Variants in SLC49A3 observed in about 807,000 individuals in gnomAD.
SLC49A3 encodes the protein solute carrier family 49 member 3.
In SLC49A3, 50 loss-of-function variants were observed where a neutral mutation model predicts 43.8. That is an observed-to-expected ratio of 1.14 (90% CI 0.91 to 1.45). SLC49A3 has a LOEUF of 1.45. Among genes scored for constraint, SLC49A3 ranks in the 40% most tolerant of loss-of-function variants. SLC49A3 has a pLI of 0.00. For synonymous variants in SLC49A3, 413 were observed against 352.0 expected (o/e 1.17, Z -1.94); for missense variants, 906 against 774.1 (o/e 1.17, Z -2.02).
At chr4:684,399 G>A in intron 6 of SLC49A3, 84 bp downstream of exon 6, 1 of 1,560,296 alleles carries the variant, frequency 6.4e-7, no homozygotes. Flanking sequence ...GTCGGACACT[G>A]GGCACCCTGG....
chr4:683,750 G>A lies in SLC49A3; in HGVS notation c.852C>T (p.Gly284=), dbSNP rs1199718280. Residue 284 remains glycine, a synonymous_variant, in exon 7 of 10, where the codon GGC becomes GGT. Coordinates refer to ENST00000322224, the MANE Select transcript of SLC49A3 (RefSeq NM_032219.4). ...CASGHSSGFS[G]LCGALFITFG... ...ACGTGATGAAGAGAGCGCCACAGAG[G>A]CCGGAAAACCCCTGGAGGAGGCGAG... 3 of 1,567,960 alleles carry A rather than the reference G, an allele frequency of 1.9e-6. No individual in the cohort carries two copies. Among genetic ancestry groups the A allele is most frequent in the African/African-American group, 2.7e-5 (2 of 73,918 alleles).
At position 685,794 on chromosome 4, in the gene SLC49A3, A is replaced by G. The variant is rs1299880424; in HGVS notation, c.585+41T>C. 6.2e-7 allele frequency: 1 copy of G among 1,605,104 alleles called. No homozygotes were observed. ...GGAACACACAGACGTGCATGCGCAC[A>G]CACCACACAGACCAGGCACGGGCGT... On this transcript the variant is annotated intron_variant, in intron 4 of 9. Coordinates refer to ENST00000322224, the MANE Select transcript of SLC49A3 (RefSeq NM_032219.4). The surrounding 1 kb of genome is among the most constrained non-coding windows in gnomAD (Gnocchi z 4.3).
downstream of SLC49A3, among the ~76,000 whole-genome samples, chr4:677,544 C>G (rs964437168): frequency 1.3e-5 from 2 of 152,220 alleles, no homozygotes; most frequent in Non-Finnish European, 2.9e-5. Flanking sequence ...GTCACCAAGG[C>G]AGGGAGGGGC....
intron 1 of SLC49A3, 119 bp from the exon 2 acceptor site, chr4:686,809 C>G: frequency 7.6e-7 from 1 of 1,310,414 alleles, no homozygotes; most frequent in Non-Finnish European, 1.0e-6. Flanking sequence ...GGGGACACAG[C>G]GAGCTGGACA....
chr4:690,864 C>A (rs914702424), upstream of SLC49A3, among the ~76,000 whole-genome samples: 1 of 152,242 alleles, frequency 6.6e-6, no homozygotes, highest in Admixed American at 6.5e-5. Context: ...ACACAACAAT[C>A]GCTTGCATTG....
chr4:678,548 GA>G (rs550802415), downstream of SLC49A3: 1 of 1,476,072 alleles, frequency 6.8e-7, no homozygotes, highest in African/African-American at 1.4e-5. Context: ...CCTCCAGCCC[GA>G]AGGGCTGAGG....
downstream of SLC49A3, among the ~76,000 whole-genome samples, chr4:677,367 G>A (rs540952644): frequency 6.6e-6 from 1 of 152,316 alleles, no homozygotes; most frequent in Admixed American, 6.5e-5. Flanking sequence ...TAGTGGGGAA[G>A]ACCAGGCTCA....
chr4:680,478 C>T (rs10023220), downstream of SLC49A3: 4,110 of 1,610,930 alleles, frequency 2.6e-3, 82 homozygotes, highest in African/African-American at 0.047. Flanking sequence ...GCCACCCTGA[C>T]GGCCCTGGGC....
chr4:678,481 GC>G, downstream of SLC49A3: 10 of 1,436,334 alleles, frequency 7.0e-6, no homozygotes, highest in Non-Finnish European at 9.1e-6. Context: ...CAGCCGTCCT[GC>G]CCCCAACCCC....
chr4:683,462 C>G, intron 7 of SLC49A3, 95 bp from the exon 8 acceptor site: 3 of 1,508,908 alleles, frequency 2.0e-6, no homozygotes, highest in South Asian at 1.3e-5. Context: ...GCAGGAGAAC[C>G]CATCCCACCC....
At chr4:689,392 CGAATGTCCCTTCCGGGAAGG>C, upstream of SLC49A3, 1 of 286,062 alleles carries the variant, frequency 3.5e-6, no homozygotes, top group East Asian at 6.1e-5. Flanking sequence ...CCACAAAAAC[CGAATGTCCCTTCCGGGAAGG>C]GCCCCGGTCA....
rs148669720 is a variant in SLC49A3, at chr4:688,994, G to T, written c.134C>A (p.Thr45Lys). 1.3e-6 allele frequency: 2 copies of T among 1,592,584 alleles called. No individual in the cohort carries two copies. The highest frequency in any genetic ancestry group is 2.8e-5 in the African/African-American group (2 of 72,542). ...AISLLNCSNA[T>K]LWLSFAPVAD... is the part of the protein sequence containing the mutation. ...ACCTGTCCCCGCCCCTGCCCCTACC[G>T]TGGCGTTGGAGCAGTTGAGCAGGCT... The change falls in exon 1 of 10, where the codon ACG becomes AAG. Residue 45 changes from threonine to lysine, a missense_variant and splice_region_variant. Transcript: ENST00000322224.
At position 681,857 on chromosome 4, in the gene SLC49A3, G is replaced by GGAGCCCGCAAGGAGCCCTTTC; in HGVS notation, c.*80_*100dup. On this transcript the variant is annotated 3_prime_UTR_variant, in exon 10 of 10. Transcript: ENST00000322224. ...AGGTGCGCGCTTGTAATTCGCTCCC[G>GGAGCCCGCAAGGAGCCCTTTC]GAGCCCGCAAGGAGCCCTTTCGCCC... 1 of 1,305,358 alleles carries GGAGCCCGCAAGGAGCCCTTTC rather than the reference G, an allele frequency of 7.7e-7. No individual in the cohort carries two copies. Among genetic ancestry groups the GGAGCCCGCAAGGAGCCCTTTC allele is most frequent in the African/African-American group, 1.5e-5 (1 of 65,826 alleles). 80.9% of individuals were successfully genotyped at this position (1,305,358 alleles called of 1,614,324 possible).
At chr4:687,375 A>T (rs991994310) in intron 1 of SLC49A3, 1 of 152,384 alleles carries the variant, frequency 6.6e-6, no homozygotes, top group Non-Finnish European at 1.5e-5. Flanking sequence ...CGGACACAGC[A>T]GCCAGACCCA....
Position 684,769 on chromosome 4 carries a change from C to T in SLC49A3, c.673G>A (p.Ala225Thr). 2 of 1,612,222 alleles carry T rather than the reference C, an allele frequency of 1.2e-6. No homozygotes were observed. The highest frequency in any genetic ancestry group is 1.7e-6 in the Non-Finnish European group (2 of 1,179,808). ...TCTGAGGTGGAGCTGGCAGCCCCGGCAGAGGGCGGGGTGGGGGGCACACTC... is the reference window on the plus strand; with the variant it reads ...TCTGAGGTGGAGCTGGCAGCCCCGGTAGAGGGCGGGGTGGGGGGCACACTC... ...WESVPPTPPS[A>T]GAASSTSEKF... is the part of the protein sequence containing the mutation. The change falls in exon 5 of 10, where the codon GCC becomes ACC. Residue 225 changes from alanine to threonine, a missense_variant. Physicochemically the swap from Ala to Thr is moderately conservative, Grantham distance 58. Coordinates refer to ENST00000322224, the MANE Select transcript of SLC49A3 (RefSeq NM_032219.4).
At chr4:681,238 G>A (rs2109359742), downstream of SLC49A3, 1 of 1,438,294 alleles carries the variant, frequency 7.0e-7, no homozygotes. Context: ...GAGCAGCGCC[G>A]CGGTTAGGAC....
chr4:689,025 C>T lies in SLC49A3; in HGVS notation c.103G>A (p.Ala35Thr). The change falls in exon 1 of 10, where the codon GCG becomes ACG. Residue 35 changes from alanine to threonine, a missense_variant. Physicochemically the swap from Ala to Thr is moderately conservative, Grantham distance 58. Coordinates refer to ENST00000322224, the MANE Select transcript of SLC49A3 (RefSeq NM_032219.4). ...TYARRWVFLL[A>T]ISLLNCSNAT... ...TTGGAGCAGTTGAGCAGGCTGATCG[C>T]GAGCAGGAACACCCAGCGGCGCGCG... is the stretch of plus-strand genomic sequence containing the variant. 1 of 1,594,202 alleles carries T rather than the reference C, an allele frequency of 6.3e-7. No individual in the cohort carries two copies. Among genetic ancestry groups the T allele is most frequent in the East Asian group, 2.4e-5 (1 of 41,904 alleles).
chr4:678,137 A>C, downstream of SLC49A3: 1 of 1,559,926 alleles, frequency 6.4e-7, no homozygotes, highest in Non-Finnish European at 8.7e-7. Flanking sequence ...TTGCGTGTGA[A>C]TGCAGGTGTG....
downstream of SLC49A3, chr4:680,128 G>A: frequency 9.2e-7 from 1 of 1,091,220 alleles, no homozygotes; most frequent in Non-Finnish European, 1.3e-6. Context: ...AAGCCCTAGG[G>A]CCTGGCACTC....
Sources: gnomAD v4.1 joint callset for allele counts (sites outside exome capture counted in the v4.1 genomes callset) on GRCh38, gnomAD v4.1.1 for gene constraint, Gnocchi (gnomAD v3.1) non-coding constraint, MANE v1.5 for transcripts, NCBI Gene and HGNC (gene_info 2026-07-23, HGNC 2026-07-21) for gene names.